Variants in TMEM273 observed in about 807,000 individuals in gnomAD.
TMEM273 encodes the protein chromosome 10 open reading frame 128.
Under a neutral mutation model 17.9 loss-of-function variants are expected in TMEM273, and 19 were observed. That is an observed-to-expected ratio of 1.06 (90% CI 0.74 to 1.55). The LOEUF is 1.55. Ranked by LOEUF, TMEM273 falls within the 40% of genes most tolerant of loss-of-function variation. The pLI, the probability that TMEM273 is intolerant of heterozygous loss-of-function variation, is 0.00. For synonymous variants in TMEM273, 66 were observed against 62.0 expected, an observed-to-expected ratio of 1.07 and a Z score of -0.31; for missense variants, 194 against 155.6, an observed-to-expected ratio of 1.25 and a Z score of -1.31.
intron 1 of TMEM273, among the ~76,000 whole-genome samples, chr10:49,170,532 G>C (rs1327627258): frequency 3.3e-5 from 5 of 152,164 alleles, no homozygotes; most frequent in African/African-American, 9.7e-5. Flanking sequence ...GCCCCAAAGA[G>C]GCTCTATTTT....
intron 3 of TMEM273, among the ~76,000 whole-genome samples, chr10:49,166,047 C>G (rs2132143439): frequency 6.6e-6 from 1 of 152,332 alleles, no homozygotes; most frequent in Middle Eastern, 3.4e-3. Context: ...CACACGCCAG[C>G]ATCTCGGAAG....
At chr10:49,178,059 C>A (rs549622770) in intron 1 of TMEM273, 3 of 393,644 alleles carry the variant, frequency 7.6e-6, no homozygotes, top group East Asian at 7.3e-5. Context: ...GTAAGTCTCC[C>A]TGCCTCCAAC....
intron 1 of TMEM273, among the ~76,000 whole-genome samples, chr10:49,173,764 G>A (rs1002131508): frequency 5.9e-5 from 9 of 152,234 alleles, no homozygotes; most frequent in African/African-American, 1.4e-4. Context: ...TCTGAACTGA[G>A]TGTTAAACCA....
chr10:49,185,959 CAA>C (rs1373703539), intron 1 of TMEM273, among the ~76,000 whole-genome samples: 1 of 150,556 alleles, frequency 6.6e-6, no homozygotes, highest in Non-Finnish European at 1.5e-5. Context: ...GCCTGGGCAA[CAA>C]GAGCAAAATT....
chr10:49,175,232 C>T (rs17701363), intron 1 of TMEM273, among the ~76,000 whole-genome samples: 43,830 of 151,884 alleles, frequency 0.29, 7,939 homozygotes, highest in East Asian at 0.62. Context: ...AAGATGTGGC[C>T]GGCACTGTGG....
chr10:49,175,933 A>G (rs1173494055), intron 1 of TMEM273, among the ~76,000 whole-genome samples: 1 of 152,158 alleles, frequency 6.6e-6, no homozygotes, highest in Non-Finnish European at 1.5e-5. Context: ...CTCACTGGAG[A>G]AAGGACTTGC....
At chr10:49,173,566 G>C (rs1410241843) in intron 1 of TMEM273, among the ~76,000 whole-genome samples, 1 of 152,192 alleles carries the variant, frequency 6.6e-6, no homozygotes, top group Non-Finnish European at 1.5e-5. Context: ...CGTCAGTCCA[G>C]GATCACTCCT....
intron 1 of TMEM273, among the ~76,000 whole-genome samples, chr10:49,168,806 A>G (rs1186600046): frequency 6.6e-6 from 1 of 152,164 alleles, no homozygotes; most frequent in Admixed American, 6.5e-5. Context: ...ACCTTAAGAC[A>G]GGAGATACTG....
intron 1 of TMEM273, among the ~76,000 whole-genome samples, chr10:49,170,528 A>G (rs1424908907): frequency 6.6e-6 from 1 of 152,200 alleles, no homozygotes; most frequent in Admixed American, 6.5e-5. Context: ...CCTGGCCCCA[A>G]AGAGGCTCTA....
intron 1 of TMEM273, among the ~76,000 whole-genome samples, chr10:49,175,863 C>T (rs1846925630): frequency 6.6e-6 from 1 of 152,192 alleles, no homozygotes; most frequent in African/African-American, 2.4e-5. Context: ...GTTGGGTGGA[C>T]AGTGGTATCC....
intron 5 of TMEM273, 31 bp downstream of exon 5, chr10:49,165,168 GAAGAGA>G (rs1377133667): frequency 1.3e-6 from 2 of 1,524,370 alleles, no homozygotes; most frequent in East Asian, 4.9e-5. Flanking sequence ...CAAGCAAAGA[GAAGAGA>G]ATGGTGGCTG....
At chr10:49,178,486 A>G (rs1847141653) in intron 1 of TMEM273, 3 of 344,640 alleles carry the variant, frequency 8.7e-6, no homozygotes, top group South Asian at 4.4e-5. Context: ...CCCATGCAAA[A>G]CAGATGACAT....
chr10:49,173,540 A>G (rs760479928), intron 1 of TMEM273, among the ~76,000 whole-genome samples: 10 of 152,060 alleles, frequency 6.6e-5, no homozygotes, highest in Non-Finnish European at 1.5e-4. Context: ...ACTCCTCTGA[A>G]AGTCCCCCTT....
intron 1 of TMEM273, among the ~76,000 whole-genome samples, chr10:49,170,233 A>T (rs1846469850): frequency 6.6e-6 from 1 of 152,226 alleles, no homozygotes; most frequent in African/African-American, 2.4e-5. Context: ...TTGGGAGGGA[A>T]GAGAAAGGAA....
At chr10:49,174,654 C>T (rs1307900534) in intron 1 of TMEM273, among the ~76,000 whole-genome samples, 3 of 152,146 alleles carry the variant, frequency 2.0e-5, no homozygotes, top group African/African-American at 7.2e-5. Context: ...CCCAAACCTA[C>T]CTGGCAAAGC....
At chr10:49,175,824 G>A (rs1196387460) in intron 1 of TMEM273, among the ~76,000 whole-genome samples, 3 of 152,304 alleles carry the variant, frequency 2.0e-5, no homozygotes, top group African/African-American at 2.4e-5. Context: ...CGGGGGTTCT[G>A]GAACAAGGAG....
chr10:49,182,859 T>C (rs1014765276), intron 1 of TMEM273, among the ~76,000 whole-genome samples: 3 of 152,132 alleles, frequency 2.0e-5, no homozygotes, highest in African/African-American at 7.2e-5. Context: ...ATCCCGTGCC[T>C]CTAAGTGTAG....
At chr10:49,161,973 A>G (rs1168988106) in intron 5 of TMEM273, among the ~76,000 whole-genome samples, 5 of 152,038 alleles carry the variant, frequency 3.3e-5, no homozygotes, top group Admixed American at 1.3e-4. Context: ...TCCCTCACCC[A>G]CTTGCTTCCT....
chr10:49,170,809 C>T (rs1846512950), intron 1 of TMEM273, among the ~76,000 whole-genome samples: 1 of 152,148 alleles, frequency 6.6e-6, no homozygotes, highest in African/African-American at 2.4e-5. Flanking sequence ...AGGGTCCATG[C>T]TCAGCACAGC....
Sources: gnomAD v4.1 joint callset for allele counts (sites outside exome capture counted in the v4.1 genomes callset) on GRCh38, gnomAD v4.1.1 for gene constraint, MANE v1.5 for transcripts, NCBI Gene and HGNC (gene_info 2026-07-23, HGNC 2026-07-21) for gene names.